IL1RAPL1: variants seen among roughly 807,000 people sequenced by gnomAD.
IL1RAPL1 encodes the protein interleukin-1 receptor accessory protein-like 1.
A neutral mutation model predicts 48.4 loss-of-function variants in IL1RAPL1; 3 were observed. The ratio of observed to expected loss-of-function variants is 0.06; its 90% CI spans 0.03 to 0.16. IL1RAPL1 has a LOEUF of 0.16. Among genes scored for constraint, IL1RAPL1 ranks in the 10% least tolerant of loss-of-function variants. The probability of loss-of-function intolerance (pLI) is 1.00; values close to 1 mark genes in which losing one functional copy is unlikely to be tolerated. For synonymous variants in IL1RAPL1, 185 were observed against 187.7 expected, an observed-to-expected ratio of 0.99 and a Z score of 0.12; for missense variants, 349 against 530.6, an observed-to-expected ratio of 0.66 and a Z score of 3.36.
At chrX:29,386,056 G>C (rs1933772889) in intron 3 of IL1RAPL1, among the ~76,000 whole-genome samples, 1 of 111,848 alleles carries the variant, frequency 8.9e-6, no homozygotes, top group Non-Finnish European at 1.9e-5. Flanking sequence ...TTGAGACGGA[G>C]TCTCACTCTG....
At chrX:28,688,103 C>T (rs201624802) in intron 1 of IL1RAPL1, among the ~76,000 whole-genome samples, 1 of 49,963 alleles carries the variant, frequency 2.0e-5, no homozygotes, top group Non-Finnish European at 3.6e-5. Context: ...GACTCTGTCT[C>T]AAAAAAAAAA....
chrX:29,749,815 C>G (rs1182461885), intron 6 of IL1RAPL1, among the ~76,000 whole-genome samples: 1 of 112,303 alleles, frequency 8.9e-6, no homozygotes, highest in African/African-American at 3.2e-5. Flanking sequence ...GTTCCAGTCT[C>G]TTGGAAGCTA....
intron 2 of IL1RAPL1, among the ~76,000 whole-genome samples, chrX:28,938,262 A>T: frequency 8.9e-6 from 1 of 111,799 alleles, no homozygotes; most frequent in African/African-American, 3.3e-5. Flanking sequence ...ACTGACTTCA[A>T]GCTATACAAC....
chrX:29,949,502 C>T (rs1933276073), intron 9 of IL1RAPL1, among the ~76,000 whole-genome samples: 1 of 111,728 alleles, frequency 9.0e-6, no homozygotes, highest in Non-Finnish European at 1.9e-5. Flanking sequence ...AGAATTACTA[C>T]AAAGAGTGTG....
At chrX:29,702,847 A>T (rs1271761991) in intron 6 of IL1RAPL1, among the ~76,000 whole-genome samples, 1 of 112,478 alleles carries the variant, frequency 8.9e-6, no homozygotes, top group Non-Finnish European at 1.9e-5. Flanking sequence ...AAGAAAAAGC[A>T]ATCATAAACT....
intron 2 of IL1RAPL1, among the ~76,000 whole-genome samples, chrX:28,877,195 A>T (rs1276721516): frequency 8.9e-6 from 1 of 112,410 alleles, no homozygotes; most frequent in Non-Finnish European, 1.9e-5. Context: ...GGTGATTCCG[A>T]TGGGCAGCCA....
At chrX:29,608,247 TA>T (rs1923959197) in intron 5 of IL1RAPL1, among the ~76,000 whole-genome samples, 2 of 111,680 alleles carry the variant, frequency 1.8e-5, no homozygotes, top group African/African-American at 6.5e-5. Context: ...ATTGCAAAAG[TA>T]GAAGCTTCCA....
intron 5 of IL1RAPL1, among the ~76,000 whole-genome samples, chrX:29,490,596 T>C (rs951582935): frequency 1.8e-5 from 2 of 111,569 alleles, no homozygotes; most frequent in African/African-American, 6.6e-5. Flanking sequence ...CTTTGAATAA[T>C]GTACCTACTG....
At chrX:29,159,376 A>G (rs1391964550) in intron 2 of IL1RAPL1, among the ~76,000 whole-genome samples, 1 of 111,669 alleles carries the variant, frequency 9.0e-6, no homozygotes, top group Non-Finnish European at 1.9e-5. Context: ...TTCAGTTTAC[A>G]TGACACTTCT....
Position 28,969,368 on chromosome X carries a change from G to T in IL1RAPL1, c.82+179943G>T, listed in dbSNP as rs1208483128. On this transcript the variant is annotated intron_variant, in intron 2 of 10. Transcript: ENST00000378993. ...TCTTCTTAAAGTTACATGATTTTTA[G>T]TCTCATTCTCAAGAGACTTGGAAAT... Among the ~76,000 whole-genome samples, 4 of 110,312 alleles carry T rather than the reference G, an allele frequency of 3.6e-5. 1 individual carries two copies. In the Admixed American group the frequency reaches 3.9e-4, roughly 11 times the overall value.
chrX:28,648,886 T>C (rs1043077382), intron 1 of IL1RAPL1, among the ~76,000 whole-genome samples: 2 of 111,887 alleles, frequency 1.8e-5, no homozygotes, highest in African/African-American at 6.5e-5. Flanking sequence ...TACATTATCG[T>C]GGAGGTATGA....
intron 2 of IL1RAPL1, among the ~76,000 whole-genome samples, chrX:28,892,755 G>A (rs1173401905): frequency 9.0e-6 from 1 of 110,539 alleles, no homozygotes; most frequent in Non-Finnish European, 1.9e-5. Context: ...GGAAGATTTT[G>A]TGGTAAGGGG....
intron 2 of IL1RAPL1, among the ~76,000 whole-genome samples, chrX:28,823,955 C>T (rs1226874714): frequency 9.0e-6 from 1 of 111,702 alleles, no homozygotes; most frequent in African/African-American, 3.2e-5. Context: ...GGCCACTATT[C>T]TGCCTAGTCT....
chrX:29,391,162 G>A (rs1486265130), intron 3 of IL1RAPL1, among the ~76,000 whole-genome samples: 1 of 102,638 alleles, frequency 9.7e-6, no homozygotes, highest in East Asian at 3.0e-4. Flanking sequence ...CAACAAGAGC[G>A]AAATTCCATC....
At chrX:28,814,344 TG>T (rs1569178624) in intron 2 of IL1RAPL1, among the ~76,000 whole-genome samples, 22 of 85,553 alleles carry the variant, frequency 2.6e-4, no homozygotes, top group African/African-American at 9.8e-4. Context: ...TTCAGGTTTG[TG>T]TGTGTGTGTG....
chrX:28,776,472 G>C (rs1388642490), intron 1 of IL1RAPL1, among the ~76,000 whole-genome samples: 1 of 111,892 alleles, frequency 8.9e-6, no homozygotes, highest in African/African-American at 3.2e-5. Flanking sequence ...CCAATACCTA[G>C]TTGAAAGTCA....
At chrX:29,785,674 T>C (rs1294625876) in intron 6 of IL1RAPL1, among the ~76,000 whole-genome samples, 1 of 111,932 alleles carries the variant, frequency 8.9e-6, no homozygotes, top group Non-Finnish European at 1.9e-5. Context: ...CGTGCATCAA[T>C]AGGTGAATGG....
intron 1 of IL1RAPL1, among the ~76,000 whole-genome samples, chrX:28,623,665 A>G (rs1934308024): frequency 1.8e-5 from 2 of 112,114 alleles, no homozygotes; most frequent in African/African-American, 6.5e-5. Context: ...CATAAGTTTT[A>G]TCTTAAACCT....
At chrX:29,814,483 C>T (rs889143726) in intron 6 of IL1RAPL1, among the ~76,000 whole-genome samples, 8 of 111,392 alleles carry the variant, frequency 7.2e-5, no homozygotes, top group African/African-American at 2.6e-4. Flanking sequence ...GGATATTAGG[C>T]CTTTGTCAGA....
Sources: gnomAD v4.1 joint callset for allele counts (sites outside exome capture counted in the v4.1 genomes callset) on GRCh38, gnomAD v4.1.1 for gene constraint, MANE v1.5 for transcripts, NCBI Gene and HGNC (gene_info 2026-07-23, HGNC 2026-07-21) for gene names.